PHF14: variants seen among roughly 807,000 people sequenced by gnomAD.
PHF14 encodes PHD finger protein 14.
PHF14 carries 55 observed loss-of-function variants against 117.9 expected under a neutral mutation model. The ratio of observed to expected loss-of-function variants is 0.47; its 90% CI spans 0.38 to 0.58. The LOEUF is 0.58. Among genes scored for constraint, PHF14 ranks in the 20% least tolerant of loss-of-function variants. The pLI, the probability that PHF14 is intolerant of heterozygous loss-of-function variation, is 0.00. For synonymous variants in PHF14, 409 were observed against 368.6 expected (o/e 1.11, Z -1.26); for missense variants, 978 against 1,122.2 (o/e 0.87, Z 1.84).
chr7:11,021,002 G>A (rs938102702), intron 5 of PHF14, among the ~76,000 whole-genome samples: 41 of 152,148 alleles, frequency 2.7e-4, no homozygotes, highest in African/African-American at 9.4e-4. Context: ...CGTACTTGAC[G>A]TGAATTTGTT....
At chr7:11,136,055 G>A (rs901659111) in intron 17 of PHF14, among the ~76,000 whole-genome samples, 13 of 152,028 alleles carry the variant, frequency 8.6e-5, no homozygotes, top group African/African-American at 2.9e-4. Context: ...AAGTAACATT[G>A]TTGAAAATAG....
At chr7:11,149,717 G>A (rs866274179) in intron 17 of PHF14, among the ~76,000 whole-genome samples, 1 of 152,180 alleles carries the variant, frequency 6.6e-6, no homozygotes, top group South Asian at 2.1e-4. Flanking sequence ...TGAATAATCT[G>A]TAGTTTTATT....
chr7:10,976,148 AAGAG>A (rs1267315485), intron 2 of PHF14, among the ~76,000 whole-genome samples: 1 of 152,328 alleles, frequency 6.6e-6, no homozygotes, highest in East Asian at 1.9e-4. Flanking sequence ...CTTGGATCCC[AAGAG>A]TTGATGGACG....
intron 14 of PHF14, 24 bp from the exon 15 acceptor site, chr7:11,061,767 G>GTTTTTTTTT: frequency 5.2e-6 from 6 of 1,157,316 alleles, no homozygotes; most frequent in East Asian, 3.3e-5. Context: ...TTTGTTTTTT[G>GTTTTTTTTT]TTTTTTTTTT....
chr7:11,065,432 T>C (rs955449529), intron 16 of PHF14, among the ~76,000 whole-genome samples: 4 of 152,124 alleles, frequency 2.6e-5, no homozygotes, highest in African/African-American at 9.7e-5. Flanking sequence ...AAATGCTTGG[T>C]AAATGAACTC....
In PHF14 at chr7:11,139,753, G is replaced by A. The variant is rs544059773; in HGVS notation, c.2772+28286G>A. 2.6e-5 allele frequency among the ~76,000 whole-genome samples: 4 copies of A among 152,252 alleles called. No individual in the cohort carries two copies. In the East Asian group the frequency reaches 7.7e-4, roughly 29 times the overall value. ...TACAAAAACTAGAAAATATAAGACA[G>A]ATAACTTTTGGTACTCTCTAAGGTA... is the stretch of plus-strand genomic sequence containing the variant. On this transcript the variant is annotated intron_variant, in intron 17 of 17. Coordinates refer to ENST00000634607, the MANE Select transcript of PHF14 (RefSeq NM_001007157.2).
chr7:11,164,956 G>A (rs1436530730), intron 17 of PHF14, among the ~76,000 whole-genome samples: 2 of 151,810 alleles, frequency 1.3e-5, no homozygotes, highest in South Asian at 2.1e-4. Context: ...ACGGAGTCTC[G>A]CTCAATTGCC....
At chr7:11,048,626 T>C (rs1398621749) in intron 13 of PHF14, among the ~76,000 whole-genome samples, 1 of 152,214 alleles carries the variant, frequency 6.6e-6, no homozygotes, top group East Asian at 1.9e-4. Context: ...GCCATGGCTT[T>C]ATTCTAGGTT....
chr7:11,148,891 CTG>C (rs768290011), intron 17 of PHF14, among the ~76,000 whole-genome samples: 6 of 152,212 alleles, frequency 3.9e-5, no homozygotes, highest in African/African-American at 7.2e-5. Context: ...TTTATAATAA[CTG>C]TAGCTAACAT....
At chr7:11,165,132 C>T (rs1789165129) in intron 17 of PHF14, among the ~76,000 whole-genome samples, 1 of 152,150 alleles carries the variant, frequency 6.6e-6, no homozygotes. Flanking sequence ...ACCATGTTGG[C>T]CAGGATAGTC....
At chr7:11,152,957 C>G (rs1288255872) in intron 17 of PHF14, among the ~76,000 whole-genome samples, 1 of 152,114 alleles carries the variant, frequency 6.6e-6, no homozygotes, top group Non-Finnish European at 1.5e-5. Context: ...GTGAGCAGAT[C>G]GGAGAACTCA....
chr7:11,157,185 G>A (rs994166962), intron 17 of PHF14, among the ~76,000 whole-genome samples: 1 of 152,098 alleles, frequency 6.6e-6, no homozygotes, highest in African/African-American at 2.4e-5. Context: ...GCAACACCTT[G>A]CTTAGTATCT....
intron 16 of PHF14, chr7:11,105,950 T>G (rs188269845): frequency 8.1e-6 from 8 of 984,796 alleles, no homozygotes; most frequent in Non-Finnish European, 9.6e-6. Context: ...CAAAGTTACA[T>G]GGAGCTTGAG....
At chr7:11,156,748 C>T (rs992228615) in intron 17 of PHF14, among the ~76,000 whole-genome samples, 4 of 151,882 alleles carry the variant, frequency 2.6e-5, no homozygotes, top group African/African-American at 9.7e-5. Context: ...GAGCAGAAGT[C>T]GTGCCATTGC....
chr7:11,023,701 G>A (rs1783814229), intron 6 of PHF14, among the ~76,000 whole-genome samples: 1 of 152,178 alleles, frequency 6.6e-6, no homozygotes, highest in African/African-American at 2.4e-5. Flanking sequence ...GGTGGCGCGT[G>A]CCTGTAATCC....
intron 4 of PHF14, among the ~76,000 whole-genome samples, chr7:10,991,093 CGATT>C (rs1782432595): frequency 6.6e-6 from 1 of 152,104 alleles, no homozygotes; most frequent in Admixed American, 6.5e-5. Flanking sequence ...CAGGTTCAAG[CGATT>C]CTGCTGCCTC....
intron 17 of PHF14, among the ~76,000 whole-genome samples, chr7:11,164,522 C>G (rs1029612628): frequency 5.3e-5 from 8 of 152,126 alleles, no homozygotes; most frequent in African/African-American, 1.9e-4. Context: ...AGGTGCCTTG[C>G]ATTTGTTTTC....
At chr7:11,157,598 A>G (rs1788903787) in intron 17 of PHF14, among the ~76,000 whole-genome samples, 1 of 152,160 alleles carries the variant, frequency 6.6e-6, no homozygotes, top group Non-Finnish European at 1.5e-5. Context: ...CCACCTCCCA[A>G]AGAAACTACA....
At chr7:11,151,939 T>A (rs1227063974) in intron 17 of PHF14, among the ~76,000 whole-genome samples, 3 of 152,190 alleles carry the variant, frequency 2.0e-5, no homozygotes, top group Non-Finnish European at 4.4e-5. Flanking sequence ...TTTTTCCTCT[T>A]CTATTTCTGT....
Sources: gnomAD v4.1 joint callset for allele counts (sites outside exome capture counted in the v4.1 genomes callset) on GRCh38, gnomAD v4.1.1 for gene constraint, MANE v1.5 for transcripts, NCBI Gene and HGNC (gene_info 2026-07-23, HGNC 2026-07-21) for gene names.